Variants in MMP28 observed in about 807,000 individuals in gnomAD.
MMP28 encodes the protein matrix metalloproteinase-28.
In MMP28, 55 loss-of-function variants were observed where a neutral mutation model predicts 60.5. The ratio of observed to expected loss-of-function variants is 0.91; its 90% CI spans 0.73 to 1.14. The LOEUF (loss-of-function observed/expected upper bound fraction) is 1.14, where lower values mean the gene tolerates loss of function less well. Ranked by LOEUF, MMP28 falls within the 50% of genes most tolerant of loss-of-function variation. MMP28 has a pLI of 0.00. For synonymous variants in MMP28, 318 were observed against 312.5 expected (o/e 1.02, Z -0.18); for missense variants, 686 against 738.3 (o/e 0.93, Z 0.82).
In MMP28 at chr17:35,770,200, C is replaced by A. The variant is rs181618503; in HGVS notation, c.717G>T (p.Ala239=). ...RRGRNLFVVL[A]HEIGHTLGLT... is the part of the protein sequence containing the mutation. ...GGCCAAGCGTGTGACCGATCTCGTG[C>A]GCCAGCACCACGAACAGGTTGCGCC... Residue 239 remains alanine, a synonymous_variant, in exon 5 of 8, where the codon GCG becomes GCT. Transcript: ENST00000605424. The A allele has an allele frequency of 4.4e-6, 7 of 1,603,682 alleles. No homozygotes were observed. The East Asian group carries it at 6.7e-5, about 15-fold the overall frequency.
At chr17:35,775,139 C>T (rs1207867458) in intron 3 of MMP28, among the ~76,000 whole-genome samples, 1 of 152,090 alleles carries the variant, frequency 6.6e-6, no homozygotes. Flanking sequence ...TGAGTATGTG[C>T]ATGTGTGTGT....
At chr17:35,760,002 C>T (rs2085788521) in intron 2 of MMP28, among the ~76,000 whole-genome samples, 1 of 152,128 alleles carries the variant, frequency 6.6e-6, no homozygotes, top group Non-Finnish European at 1.5e-5. Flanking sequence ...AGGGTTGCCC[C>T]CTTGTGACTA....
At chr17:35,764,487 G>A (rs1359220888), downstream of MMP28, 3 of 1,575,698 alleles carry the variant, frequency 1.9e-6, no homozygotes, top group African/African-American at 1.4e-5. Flanking sequence ...GCCGCGCCGC[G>A]GGGGCTGTGC....
chr17:35,780,549 C>T (rs1041051668), intron 1 of MMP28, among the ~76,000 whole-genome samples: 2 of 151,878 alleles, frequency 1.3e-5, no homozygotes, highest in African/African-American at 4.8e-5. Context: ...ATAAGACATC[C>T]CTAAACCAGG....
chr17:35,766,508 G>C lies in MMP28; in HGVS notation c.1555C>G (p.Leu519Val), dbSNP rs2085941210. 1 of 1,590,764 alleles carries C rather than the reference G, an allele frequency of 6.3e-7. No individual in the cohort carries two copies. Among genetic ancestry groups the C allele is most frequent in the South Asian group, 1.1e-5 (1 of 89,592 alleles). Residue 519 changes from leucine to valine, a missense_variant, in exon 8 of 8, where the codon CTG becomes GTG. Physicochemically the swap from Leu to Val is conservative, Grantham distance 32. Transcript: ENST00000605424. The surrounding 1 kb of genome is among the most constrained non-coding windows in gnomAD (Gnocchi z 4.3). ...GCWHANSGSA[L>V]F ...GAGGTGAGGAGGTGCCTTCAGAACA[G>C]GGCGCTCCCCGAGTTGGCATGCCAG...
chr17:35,787,254 C>A (rs1268405691), intron 1 of MMP28, among the ~76,000 whole-genome samples: 2 of 152,122 alleles, frequency 1.3e-5, no homozygotes, highest in Admixed American at 1.3e-4. Context: ...CAGAACAGGT[C>A]GTCTAACAGG....
chr17:35,778,536 T>C (rs1009187980), intron 3 of MMP28: 2 of 370,694 alleles, frequency 5.4e-6, no homozygotes, highest in Admixed American at 8.7e-5. Flanking sequence ...TAATAACTTA[T>C]GAAAAAGAAT....
At chr17:35,767,088 T>C (rs2143168017) in intron 7 of MMP28, 194 bp from the exon 8 acceptor site, 1 of 717,350 alleles carries the variant, frequency 1.4e-6, no homozygotes, top group South Asian at 1.5e-5. Context: ...TATTATTTAT[T>C]GTCTAGACTC....
chr17:35,759,928 T>C (rs77023068), intron 2 of MMP28, among the ~76,000 whole-genome samples: 3,149 of 152,250 alleles, frequency 0.021, 63 homozygotes, highest in East Asian at 0.11. Flanking sequence ...CCCATGAAAC[T>C]ACAACTAGTT....
Position 35,770,289 on chromosome 17 carries a change from G to A in MMP28, c.628C>T (p.Leu210=), listed in dbSNP as rs1555605135. 1 of 1,542,962 alleles carries A rather than the reference G, an allele frequency of 6.5e-7. No homozygotes were observed. Among genetic ancestry groups the A allele is most frequent in the Non-Finnish European group, 8.7e-7 (1 of 1,153,124 alleles). The part of the protein sequence containing the change: ...GPGGALAHAF[L]PRRGEAHFDQ... ...AAGTGCGCTTCGCCGCGGCGGGGCA[G>A]GAAGGCGTGCGCCAGGGCGCCCCCT... Residue 210 remains leucine, a synonymous_variant, in exon 5 of 8, where the codon CTG becomes TTG. Transcript: ENST00000605424.
intron 1 of MMP28, among the ~76,000 whole-genome samples, chr17:35,786,157 A>G (rs1555610437): frequency 6.6e-6 from 1 of 151,874 alleles, no homozygotes; most frequent in Non-Finnish European, 1.5e-5. Context: ...CCTGGGTTCA[A>G]GTGATTCTCT....
At chr17:35,787,725 G>C (rs985526091) in intron 1 of MMP28, among the ~76,000 whole-genome samples, 10 of 151,960 alleles carry the variant, frequency 6.6e-5, no homozygotes, top group African/African-American at 2.4e-4. Context: ...CTGACCTCAA[G>C]TGATCCACCT....
downstream of MMP28, chr17:35,764,263 C>A (rs1555602204): frequency 3.2e-6 from 5 of 1,538,800 alleles, 1 homozygote; most frequent in Non-Finnish European, 4.4e-6. Flanking sequence ...GCGCGGACAG[C>A]GGCTTCTGGG....
chr17:35,776,021 C>A (rs1048335743), intron 3 of MMP28, among the ~76,000 whole-genome samples: 6 of 151,414 alleles, frequency 4.0e-5, no homozygotes, highest in African/African-American at 1.5e-4. Flanking sequence ...ACTACAGGCA[C>A]CCCCCACCAC....
At chr17:35,789,635 A>G (rs2086751784) in intron 1 of MMP28, among the ~76,000 whole-genome samples, 1 of 152,194 alleles carries the variant, frequency 6.6e-6, no homozygotes, top group Admixed American at 6.5e-5. Context: ...ATGATTTCTG[A>G]ATCAACTCAT....
At chr17:35,782,052 T>C (rs1160297528) in intron 1 of MMP28, among the ~76,000 whole-genome samples, 6 of 98,508 alleles carry the variant, frequency 6.1e-5, no homozygotes, top group African/African-American at 1.8e-4. Flanking sequence ...TATTTCTCTC[T>C]TTTTTTTTTT....
At chr17:35,764,198 T>TCCTA, downstream of MMP28, 2 of 1,547,730 alleles carry the variant, frequency 1.3e-6, no homozygotes, top group Non-Finnish European at 1.7e-6. Flanking sequence ...GCGCTCAGTG[T>TCCTA]CCTACTGCCC....
Position 35,778,874 on chromosome 17 carries a change from T to C in MMP28, c.379+14A>G, listed in dbSNP as rs980917747. On this transcript the variant is annotated intron_variant, in intron 3 of 7. Coordinates refer to ENST00000605424, the MANE Select transcript of MMP28 (RefSeq NM_024302.5). ...TGGGAAATCTTGGCCTAGCCGGATT[T>C]TAACAGTGCTCACCTTGCTTTGCAA... is the stretch of plus-strand genomic sequence containing the variant. 6.2e-7 allele frequency: 1 copy of C among 1,613,950 alleles called. No individual in the cohort carries two copies. The highest frequency in any genetic ancestry group is 8.5e-7 in the Non-Finnish European group (1 of 1,179,908).
intron 1 of MMP28, among the ~76,000 whole-genome samples, chr17:35,782,732 A>G (rs1229135730): frequency 2.0e-5 from 3 of 152,224 alleles, no homozygotes; most frequent in Non-Finnish European, 4.4e-5. Flanking sequence ...CCTGCTCAAA[A>G]TCGTGTGGCA....
Sources: allele counts gnomAD v4.1 joint callset (sites outside exome capture counted in the v4.1 genomes callset), GRCh38; gene constraint gnomAD v4.1.1; non-coding constraint Gnocchi (gnomAD v3.1); transcripts MANE v1.5; gene names NCBI Gene and HGNC (gene_info 2026-07-23, HGNC 2026-07-21).